STX17: variants seen among roughly 807,000 people sequenced by gnomAD.
STX17 encodes the protein syntaxin 17.
In STX17, 29 loss-of-function variants were observed where a neutral mutation model predicts 35.9. The ratio of observed to expected loss-of-function variants is 0.81; its 90% confidence interval spans 0.60 to 1.10. The LOEUF is 1.10. Among genes scored for constraint, STX17 ranks in the 50% least tolerant of loss-of-function variants. The pLI is 0.00. For synonymous variants in STX17, 92 were observed against 118.3 expected, an observed-to-expected ratio of 0.78 and a Z score of 1.44; for missense variants, 312 against 352.3, an observed-to-expected ratio of 0.89 and a Z score of 0.92.
chr9:99,962,408 G>A (rs1564075352), intron 6 of STX17, among the ~76,000 whole-genome samples: 3 of 152,142 alleles, frequency 2.0e-5, no homozygotes, highest in African/African-American at 7.2e-5. Flanking sequence ...TGAATCCAGT[G>A]CAGTTTGTAA....
intron 1 of STX17, 139 bp from the exon 2 acceptor site, chr9:99,915,039 G>GA (rs1426914509): frequency 5.0e-6 from 2 of 403,468 alleles, no homozygotes; most frequent in Non-Finnish European, 8.0e-6. Flanking sequence ...GTTTCATAAA[G>GA]AAAAAAACAA....
At chr9:99,945,311 GTAT>G (rs1829458170) in intron 3 of STX17, among the ~76,000 whole-genome samples, 1 of 151,968 alleles carries the variant, frequency 6.6e-6, no homozygotes, top group Non-Finnish European at 1.5e-5. Flanking sequence ...CTTAACTTAG[GTAT>G]TATTATATAT....
chr9:99,953,408 T>C (rs1440247935), intron 4 of STX17, among the ~76,000 whole-genome samples: 2 of 152,140 alleles, frequency 1.3e-5, no homozygotes, highest in Non-Finnish European at 2.9e-5. Flanking sequence ...GTACTGTAAA[T>C]GTTTTTGAGA....
chr9:99,961,860 A>G (rs1330430979), intron 6 of STX17, among the ~76,000 whole-genome samples: 1 of 152,188 alleles, frequency 6.6e-6, no homozygotes, highest in Non-Finnish European at 1.5e-5. Flanking sequence ...GAACAATTAC[A>G]GCACAAGGAT....
intron 1 of STX17, among the ~76,000 whole-genome samples, chr9:99,909,121 A>C (rs1828612728): frequency 6.6e-6 from 1 of 152,284 alleles, no homozygotes; most frequent in African/African-American, 2.4e-5. Context: ...TTTACTAAAT[A>C]GAGTACAGTG....
intron 3 of STX17, among the ~76,000 whole-genome samples, chr9:99,939,072 G>A (rs1377441225): frequency 6.6e-6 from 1 of 152,074 alleles, no homozygotes; most frequent in Non-Finnish European, 1.5e-5. Context: ...TGACTTTCAT[G>A]ATTTTACTAG....
Position 99,971,122 on chromosome 9 carries a change from T to A in STX17, c.*2449T>A, listed in dbSNP as rs1564078860. On this transcript the variant is annotated 3_prime_UTR_variant, in exon 8 of 8. Coordinates refer to ENST00000259400, the MANE Select transcript of STX17 (RefSeq NM_017919.3). ...AAAGTGTTTATAAGCATAGTCAGTG[T>A]GACACAGAAACCAATCTTAAAATTG... 6.6e-6 allele frequency among the ~76,000 whole-genome samples: 1 copy of A among 152,242 alleles called. No individual in the cohort carries two copies. Among genetic ancestry groups the A allele is most frequent in the Non-Finnish European group, 1.5e-5 (1 of 68,036 alleles).
At chr9:99,922,451 GAACT>G (rs1828907594) in intron 2 of STX17, among the ~76,000 whole-genome samples, 1 of 152,168 alleles carries the variant, frequency 6.6e-6, no homozygotes. Flanking sequence ...GATATTGATT[GAACT>G]AACTAAAATT....
intron 2 of STX17, 118 bp downstream of exon 2, chr9:99,915,480 T>G: frequency 8.0e-7 from 1 of 1,251,008 alleles, no homozygotes; most frequent in Non-Finnish European, 1.1e-6. Context: ...ACCTAGCTCC[T>G]ATTGATTTAG....
At position 99,951,208 on chromosome 9, in the gene STX17, T is replaced by C; in HGVS notation, c.338T>C (p.Val113Ala). The C allele has an allele frequency of 6.2e-7, 1 of 1,613,126 alleles. No individual in the cohort carries two copies. The highest frequency in any genetic ancestry group is 8.5e-7 in the Non-Finnish European group (1 of 1,179,260). ...TTTCTCCAACTCCATTTGGAATCTG[T>C]AGAAGAACTTAAGAAGCAATTTAAT... ...AEFLQLHLES[V>A]EELKKQFNDE... Residue 113 changes from valine (V) to alanine (A), a missense_variant, in exon 4 of 8, where the codon GTA becomes GCA. By Grantham distance (64) the Val-to-Ala change is moderately conservative. Transcript: ENST00000259400.
intron 2 of STX17, among the ~76,000 whole-genome samples, 190 bp from the exon 3 acceptor site, chr9:99,928,588 A>C (rs1829037786): frequency 6.6e-6 from 1 of 152,030 alleles, no homozygotes; most frequent in Non-Finnish European, 1.5e-5. Context: ...TAATTTCCGT[A>C]ATTTTGTATG....
At chr9:99,958,326 C>T (rs1210184990) in intron 4 of STX17, among the ~76,000 whole-genome samples, 1 of 152,134 alleles carries the variant, frequency 6.6e-6, no homozygotes, top group Admixed American at 6.5e-5. Flanking sequence ...GGTTAAATAC[C>T]TCTCATCTGT....
At chr9:99,941,194 C>T (rs148456200) in intron 3 of STX17, among the ~76,000 whole-genome samples, 31 of 152,312 alleles carry the variant, frequency 2.0e-4, no homozygotes, top group African/African-American at 7.2e-4. Context: ...AGAAAGCATT[C>T]ATTCTTTTAC....
intron 4 of STX17, among the ~76,000 whole-genome samples, chr9:99,952,858 C>G (rs1314544725): frequency 2.2e-5 from 3 of 134,384 alleles, no homozygotes. Flanking sequence ...GGAAGGGGAA[C>G]ATCACACTTG....
intron 1 of STX17, among the ~76,000 whole-genome samples, chr9:99,913,333 C>T (rs949520409): frequency 6.6e-6 from 1 of 151,866 alleles, no homozygotes; most frequent in Non-Finnish European, 1.5e-5. Context: ...CTGATTTTAT[C>T]CTTTATGTCT....
rs746453659 is a variant in STX17 at position 99,960,126 on chromosome 9, C to G, written c.553C>G (p.Leu185Val). 5.0e-6 allele frequency: 8 copies of G among 1,613,940 alleles called. No homozygotes were observed. In the Admixed American group the frequency reaches 5.0e-5, roughly 10 times the overall value. ...LEADLIELSQ[L>V]VTDFSLLVNS... The stretch of plus-strand genomic sequence containing the variant: ...AAAGGACTTAATTGAACTTAGCCAA[C>G]TGGTCACTGACTTCTCTCTCCTAGT... Residue 185 changes from leucine to valine, a missense_variant, in exon 6 of 8, where the codon CTG (leucine) becomes GTG (valine). Leu to Val is a conservative substitution (Grantham distance 32). Transcript: ENST00000259400.
intron 4 of STX17, among the ~76,000 whole-genome samples, chr9:99,953,471 T>C (rs928018753): frequency 6.6e-6 from 1 of 152,098 alleles, no homozygotes; most frequent in Non-Finnish European, 1.5e-5. Flanking sequence ...GGAAGAATGC[T>C]TTTTGATAGT....
chr9:99,937,490 C>A (rs1157525330), intron 3 of STX17, among the ~76,000 whole-genome samples: 2 of 152,020 alleles, frequency 1.3e-5, no homozygotes, highest in Admixed American at 6.6e-5. Context: ...ATTGCCATGC[C>A]TTTATGTTTA....
chr9:99,916,637 G>C (rs974763387), intron 2 of STX17, among the ~76,000 whole-genome samples: 1 of 151,988 alleles, frequency 6.6e-6, no homozygotes, highest in Non-Finnish European at 1.5e-5. Context: ...AATCAGTTCT[G>C]AGAATATTAA....
Sources: allele counts gnomAD v4.1 joint callset (sites outside exome capture counted in the v4.1 genomes callset), GRCh38; gene constraint gnomAD v4.1.1; transcripts MANE v1.5; gene names NCBI Gene and HGNC (gene_info 2026-07-23, HGNC 2026-07-21).